ZNF385B: variants seen among roughly 807,000 people sequenced by gnomAD.
ZNF385B encodes zinc finger protein 533.
A neutral mutation model predicts 39.2 loss-of-function variants in ZNF385B; 23 were observed. That is an observed-to-expected ratio of 0.59 (90% CI 0.42 to 0.83). The LOEUF (loss-of-function observed/expected upper bound fraction) is 0.83. ZNF385B is among the 40% of genes least tolerant of loss of function. ZNF385B has a pLI of 0.00. For synonymous variants in ZNF385B, 205 were observed against 222.6 expected (o/e 0.92, Z 0.70); for missense variants, 552 against 598.9 (o/e 0.92, Z 0.82).
intron 3 of ZNF385B, among the ~76,000 whole-genome samples, chr2:179,743,360 T>C (rs1467675900): frequency 6.6e-6 from 1 of 152,054 alleles, no homozygotes; most frequent in African/African-American, 2.4e-5. Context: ...CACAAAATTG[T>C]TTTCTAATTA....
chr2:179,593,164 C>T (rs961121157), intron 3 of ZNF385B, among the ~76,000 whole-genome samples: 1 of 151,950 alleles, frequency 6.6e-6, no homozygotes. Flanking sequence ...GGAAGAAACA[C>T]TTTTTTGAAA....
At position 179,446,586 on chromosome 2, in the gene ZNF385B, A is replaced by C. The variant is rs1038816220; in HGVS notation, c.900T>G (p.Leu300=). The C allele has an allele frequency of 2.5e-6, 4 of 1,614,030 alleles. No homozygotes were observed. The highest frequency in any genetic ancestry group is 2.7e-5 in the African/African-American group (2 of 74,920). The change falls in exon 7 of 10, where the codon CTT becomes CTG. Residue 300 remains leucine (L), a synonymous_variant. Coordinates refer to ENST00000410066, the MANE Select transcript of ZNF385B (RefSeq NM_152520.6). ...CAGCCACTTTGCATAGTGAACAATA[A>C]AGTAATTTTTTGGCTTTTTCTTCTT... The part of the protein sequence containing the change: ...ESEEEKAKKL[L]YCSLCKVAVN...
chr2:179,630,729 A>C (rs1163941777), intron 3 of ZNF385B, among the ~76,000 whole-genome samples: 2 of 152,208 alleles, frequency 1.3e-5, no homozygotes, highest in Non-Finnish European at 2.9e-5. Flanking sequence ...TCCGAGCTAA[A>C]GGAGGGTGTT....
intron 1 of ZNF385B, among the ~76,000 whole-genome samples, chr2:179,824,127 C>T (rs951053158): frequency 2.0e-5 from 3 of 152,088 alleles, no homozygotes; most frequent in African/African-American, 7.2e-5. Context: ...CAACTACTTC[C>T]AGCAGGAAAG....
chr2:179,673,115 C>T (rs1406701804), intron 3 of ZNF385B, among the ~76,000 whole-genome samples: 1 of 152,026 alleles, frequency 6.6e-6, no homozygotes, highest in East Asian at 1.9e-4. Flanking sequence ...ATAGTCCTAC[C>T]CTTACATGGT....
intron 6 of ZNF385B, among the ~76,000 whole-genome samples, chr2:179,460,902 G>A (rs2051258429): frequency 6.6e-6 from 1 of 152,106 alleles, no homozygotes; most frequent in Non-Finnish European, 1.5e-5. Context: ...CTCTCACTTG[G>A]CTAGCCTTGC....
At chr2:179,788,358 A>G (rs1324821772) in intron 1 of ZNF385B, among the ~76,000 whole-genome samples, 1 of 152,184 alleles carries the variant, frequency 6.6e-6, no homozygotes, top group Non-Finnish European at 1.5e-5. Context: ...ACTGCAACTA[A>G]TAAGTAACAA....
intron 3 of ZNF385B, among the ~76,000 whole-genome samples, chr2:179,767,049 T>C (rs1430039538): frequency 6.6e-6 from 1 of 152,164 alleles, no homozygotes; most frequent in East Asian, 1.9e-4. Context: ...CATTGAGGCA[T>C]ATGAGAACAG....
intron 6 of ZNF385B, among the ~76,000 whole-genome samples, chr2:179,465,932 G>A: frequency 6.6e-6 from 1 of 152,120 alleles, no homozygotes. Flanking sequence ...AAAGCCATAG[G>A]TGAGCAATAC....
chr2:179,601,664 T>A (rs1688419588), intron 3 of ZNF385B, among the ~76,000 whole-genome samples: 1 of 152,186 alleles, frequency 6.6e-6, no homozygotes, highest in African/African-American at 2.4e-5. Flanking sequence ...ATTTTAGCAA[T>A]GTATATATTT....
chr2:179,820,647 T>C (rs1707345802), intron 1 of ZNF385B, among the ~76,000 whole-genome samples: 1 of 152,136 alleles, frequency 6.6e-6, no homozygotes, highest in Non-Finnish European at 1.5e-5. Context: ...GATGAATTTT[T>C]CTATAAATAT....
chr2:179,489,050 A>G (rs1365126758), intron 5 of ZNF385B, among the ~76,000 whole-genome samples: 1 of 152,186 alleles, frequency 6.6e-6, no homozygotes, highest in African/African-American at 2.4e-5. Flanking sequence ...GAATATGAGA[A>G]TCAGGAGAGA....
At chr2:179,772,759 T>C (rs1704085114) in intron 1 of ZNF385B, among the ~76,000 whole-genome samples, 1 of 152,242 alleles carries the variant, frequency 6.6e-6, no homozygotes, top group African/African-American at 2.4e-5. Context: ...ACTATCTTAA[T>C]TACATGTTTC....
At chr2:179,500,637 A>C (rs1235987931) in intron 5 of ZNF385B, among the ~76,000 whole-genome samples, 1 of 152,186 alleles carries the variant, frequency 6.6e-6, no homozygotes, top group East Asian at 1.9e-4. Flanking sequence ...TCAAACTATA[A>C]AACTGCTACA....
At chr2:179,770,097 C>T (rs1703928604) in intron 2 of ZNF385B, among the ~76,000 whole-genome samples, 1 of 152,158 alleles carries the variant, frequency 6.6e-6, no homozygotes, top group African/African-American at 2.4e-5. Flanking sequence ...TAACTTCCCA[C>T]CCATGAGATC....
At chr2:179,566,975 T>C (rs1348225126) in intron 3 of ZNF385B, among the ~76,000 whole-genome samples, 3 of 149,624 alleles carry the variant, frequency 2.0e-5, no homozygotes, top group Non-Finnish European at 4.4e-5. Flanking sequence ...AGTGCAGTGG[T>C]GCGATCTCGG....
intron 3 of ZNF385B, among the ~76,000 whole-genome samples, chr2:179,658,743 T>C (rs147172685): frequency 6.6e-6 from 1 of 152,218 alleles, no homozygotes; most frequent in Admixed American, 6.5e-5. Context: ...GTTTACTATA[T>C]CCCCAATAGG....
intron 3 of ZNF385B, among the ~76,000 whole-genome samples, chr2:179,640,730 T>C (rs995629534): frequency 6.6e-6 from 1 of 152,168 alleles, no homozygotes; most frequent in Non-Finnish European, 1.5e-5. Flanking sequence ...AATAAACTAA[T>C]GAACTCAGGA....
At chr2:179,811,655 A>G (rs1285237573) in intron 1 of ZNF385B, among the ~76,000 whole-genome samples, 1 of 152,148 alleles carries the variant, frequency 6.6e-6, no homozygotes, top group Admixed American at 6.5e-5. Flanking sequence ...TTAACACAAC[A>G]TGGATTATTT....
Sources: gnomAD v4.1 joint callset for allele counts (sites outside exome capture counted in the v4.1 genomes callset) on GRCh38, gnomAD v4.1.1 for gene constraint, MANE v1.5 for transcripts, NCBI Gene and HGNC (gene_info 2026-07-23, HGNC 2026-07-21) for gene names.